SEL1L3: variants seen among roughly 807,000 people sequenced by gnomAD.
The protein encoded by SEL1L3 is protein sel-1 homolog 3.
SEL1L3 carries 76 observed loss-of-function variants against 142.8 expected under a neutral mutation model. That is an observed-to-expected ratio of 0.53 (90% CI 0.44 to 0.64). SEL1L3 has a LOEUF of 0.64. Among genes scored for constraint, SEL1L3 ranks in the 30% least tolerant of loss-of-function variants. The probability of loss-of-function intolerance (pLI) is 0.00; values close to 1 mark genes in which losing one functional copy is unlikely to be tolerated. For missense variants in SEL1L3, 1,262 were observed against 1,381.7 expected (o/e 0.91, Z 1.37); for synonymous variants, 504 against 519.6 (o/e 0.97, Z 0.41).
intron 11 of SEL1L3, among the ~76,000 whole-genome samples, chr4:25,791,267 C>T (rs1240549467): frequency 6.6e-6 from 1 of 152,150 alleles, no homozygotes; most frequent in Non-Finnish European, 1.5e-5. Flanking sequence ...ATTAAATCTA[C>T]CCTGAAAAGA....
rs1195954138 is a variant in SEL1L3, at chr4:25,782,312, G to T, written c.2387C>A (p.Pro796Gln). Residue 796 changes from proline (P) to glutamine (Q), a missense_variant, in exon 15 of 24, where the codon CCA becomes CAA. This residue lies in a region of SEL1L3 where 435 missense variants were observed against 559.2 expected (regional missense o/e 0.78). Transcript: ENST00000399878. ...GACTCCAAGATTGTATGACGCATCT[G>T]GGTTCCCCATTTCTTCTGCTTTTAA... Reference protein sequence around the residue: ...YWLKAEEMGNPDASYNLGVLH... With the variant: ...YWLKAEEMGNQDASYNLGVLH... 3 of 1,613,832 alleles carry T rather than the reference G, an allele frequency of 1.9e-6. No individual in the cohort carries two copies. Among genetic ancestry groups the T allele is most frequent in the Non-Finnish European group, 2.5e-6 (3 of 1,179,788 alleles).
chr4:25,818,808 A>T (rs1461829397), intron 8 of SEL1L3, among the ~76,000 whole-genome samples: 1 of 152,164 alleles, frequency 6.6e-6, no homozygotes, highest in Non-Finnish European at 1.5e-5. Flanking sequence ...CGGATGATTC[A>T]GCAGTGAGAG....
chr4:25,738,944 G>C, the SEL1L3 span, among the ~76,000 whole-genome samples: 2 of 152,088 alleles, frequency 1.3e-5, no homozygotes, highest in African/African-American at 4.8e-5. Flanking sequence ...AGTGGCTCAC[G>C]CCTGTAATCC....
At chr4:25,750,863 G>A (rs1309457516) in intron 23 of SEL1L3, among the ~76,000 whole-genome samples, 2 of 152,208 alleles carry the variant, frequency 1.3e-5, no homozygotes, top group Non-Finnish European at 2.9e-5. Context: ...CACTTAGCTG[G>A]AAGGAATGAG....
At chr4:25,828,587 T>A (rs944568009) in intron 6 of SEL1L3, among the ~76,000 whole-genome samples, 2 of 152,068 alleles carry the variant, frequency 1.3e-5, no homozygotes, top group African/African-American at 4.8e-5. Context: ...GGTTTCACTA[T>A]GTTGACCAGG....
intron 6 of SEL1L3, among the ~76,000 whole-genome samples, chr4:25,823,386 G>A (rs59580587): frequency 0.1 from 15,471 of 151,942 alleles, 1,934 homozygotes; most frequent in African/African-American, 0.28. Context: ...GTGGTGGTGC[G>A]TGCCTGTAAT....
chr4:25,773,995 C>T (rs1454685290), intron 17 of SEL1L3, among the ~76,000 whole-genome samples: 1 of 152,290 alleles, frequency 6.6e-6, no homozygotes, highest in East Asian at 1.9e-4. Flanking sequence ...ATACTGCTCA[C>T]GGCCCTTGAG....
intron 17 of SEL1L3, among the ~76,000 whole-genome samples, chr4:25,775,832 A>G (rs1682670420): frequency 6.6e-6 from 1 of 152,188 alleles, no homozygotes; most frequent in African/African-American, 2.4e-5. Context: ...CAGATGCAGT[A>G]AAACATCTAT....
At chr4:25,855,298 T>C (rs1577703796) in intron 1 of SEL1L3, among the ~76,000 whole-genome samples, 1 of 152,240 alleles carries the variant, frequency 6.6e-6, no homozygotes. Flanking sequence ...CCAGCCTTCA[T>C]AGGTATTTTC....
At chr4:25,716,023 G>T in the SEL1L3 span, among the ~76,000 whole-genome samples, 1 of 152,080 alleles carries the variant, frequency 6.6e-6, no homozygotes. Context: ...AAAAGAAAGA[G>T]CAATATATTA....
chr4:25,862,640 C>T (rs1292974204), intron 1 of SEL1L3, 35 bp downstream of exon 1: 1 of 1,185,352 alleles, frequency 8.4e-7, no homozygotes, highest in Non-Finnish European at 1.1e-6. Context: ...GGGCCCCGCG[C>T]GGAGGGGAAG....
intron 20 of SEL1L3, among the ~76,000 whole-genome samples, chr4:25,762,687 A>C (rs1349750659): frequency 6.6e-6 from 1 of 152,200 alleles, no homozygotes; most frequent in Non-Finnish European, 1.5e-5. Flanking sequence ...ACAGATTTTA[A>C]AAGTGACCGG....
intron 17 of SEL1L3, among the ~76,000 whole-genome samples, chr4:25,774,042 A>G (rs973346201): frequency 6.6e-6 from 1 of 152,186 alleles, no homozygotes; most frequent in Non-Finnish European, 1.5e-5. Context: ...AGTTCATTCA[A>G]TCAGTAGTTT....
chr4:25,727,987 C>T, the SEL1L3 span, among the ~76,000 whole-genome samples: 2 of 152,132 alleles, frequency 1.3e-5, no homozygotes, highest in Non-Finnish European at 2.9e-5. Flanking sequence ...GAAATATGAA[C>T]TAGGCCGGTT....
Position 25,774,410 on chromosome 4 carries a change from C to CCCAACCAA in SEL1L3, c.2669+1859_2669+1866dup, listed in dbSNP as rs1027532364. ...CACTTCAGGTCTCCTTTCTCCTTCC[C>CCCAACCAA]CCAACCAACCAACCAACCAATCAAC... is the stretch of plus-strand genomic sequence containing the variant. On this transcript the variant is annotated intron_variant, in intron 17 of 23. Coordinates refer to ENST00000399878, the MANE Select transcript of SEL1L3 (RefSeq NM_015187.5). 3.9e-5 allele frequency among the ~76,000 whole-genome samples: 6 copies of CCCAACCAA among 152,232 alleles called. No homozygotes were observed. The East Asian group carries it at 9.7e-4, about 24-fold the overall frequency.
In SEL1L3 at chr4:25,825,162, A is replaced by G. The variant is rs1715010142; in HGVS notation, c.1158-3034T>C. Among the ~76,000 whole-genome samples the G allele has an allele frequency of 1.3e-5, 2 of 152,232 alleles. 1 individual carries two copies. The highest frequency in any genetic ancestry group is 4.8e-5 in the African/African-American group (2 of 41,460). On this transcript the variant is annotated intron_variant, in intron 6 of 23. Transcript: ENST00000399878. ...CATTAACTGAGTTTTTCAACAAAAA[A>G]CAAATTACTTGGTCCCTAGGGCACT...
chr4:25,800,864 A>C (rs1034289329), intron 11 of SEL1L3, among the ~76,000 whole-genome samples: 10 of 152,352 alleles, frequency 6.6e-5, no homozygotes, highest in African/African-American at 2.4e-4. Flanking sequence ...ATTTACTGAC[A>C]GCATATCTTC....
At chr4:25,765,515 G>A in intron 19 of SEL1L3, 80 bp from the exon 20 acceptor site, 1 of 867,726 alleles carries the variant, frequency 1.2e-6, no homozygotes, top group Non-Finnish European at 1.9e-6. Flanking sequence ...GCATTCACAT[G>A]AATGCAAGTT....
chr4:25,725,669 T>G, the SEL1L3 span, among the ~76,000 whole-genome samples: 1 of 152,172 alleles, frequency 6.6e-6, no homozygotes, highest in African/African-American at 2.4e-5. Flanking sequence ...AGGGGTGGAT[T>G]GTTCATGAAT....
Sources: allele counts gnomAD v4.1 joint callset (sites outside exome capture counted in the v4.1 genomes callset), GRCh38; gene constraint gnomAD v4.1.1; regional missense constraint gnomAD v4.1.1; transcripts MANE v1.5; gene names NCBI Gene and HGNC (gene_info 2026-07-23, HGNC 2026-07-21).